ERICH1: variants seen among roughly 807,000 people sequenced by gnomAD.
ERICH1 encodes glutamate-rich protein 1.
In ERICH1, 56 loss-of-function variants were observed where a neutral mutation model predicts 39.6. The observed-to-expected ratio is 1.41, with a 90% CI of 1.14 to 1.77. ERICH1 has a LOEUF of 1.77. Ranked by LOEUF, ERICH1 falls within the 40% of genes most tolerant of loss-of-function variation. ERICH1 has a pLI of 0.00. For synonymous variants in ERICH1, 313 were observed against 223.6 expected (o/e 1.40, Z -3.57); for missense variants, 826 against 575.4 (o/e 1.44, Z -4.45).
chr8:688,869 C>T (rs1454099857), intron 3 of ERICH1, among the ~76,000 whole-genome samples: 5 of 152,206 alleles, frequency 3.3e-5, no homozygotes, highest in Non-Finnish European at 7.3e-5. Context: ...AAATATTTTT[C>T]TAGCGCTGAA....
At chr8:708,269 T>G (rs1259456562) in intron 2 of ERICH1, among the ~76,000 whole-genome samples, 4 of 152,228 alleles carry the variant, frequency 2.6e-5, no homozygotes, top group South Asian at 2.1e-4. Flanking sequence ...CATTTGACCC[T>G]GCATTTCCAC....
At chr8:627,201 A>C (rs1435118714) in intron 3 of ERICH1, 1 of 456,252 alleles carries the variant, frequency 2.2e-6, no homozygotes, top group Non-Finnish European at 4.4e-6. Flanking sequence ...TGTGACCTGT[A>C]CCATTGGCCC....
intron 3 of ERICH1, among the ~76,000 whole-genome samples, chr8:634,948 C>A (rs1335734954): frequency 6.6e-6 from 1 of 152,172 alleles, no homozygotes; most frequent in East Asian, 1.9e-4. Flanking sequence ...CCTCTTGGTG[C>A]CTCTGGGGAA....
intron 1 of ERICH1, among the ~76,000 whole-genome samples, chr8:722,412 A>C (rs1424575832): frequency 6.6e-6 from 1 of 152,230 alleles, no homozygotes; most frequent in East Asian, 1.9e-4. Flanking sequence ...ACTTCGGTAT[A>C]ATTCTCAGAA....
chr8:690,643 C>G (rs1274366206), intron 3 of ERICH1, among the ~76,000 whole-genome samples: 1 of 152,218 alleles, frequency 6.6e-6, no homozygotes, highest in Non-Finnish European at 1.5e-5. Flanking sequence ...GCGACAAGGC[C>G]CTGGGCGGCC....
At chr8:685,642 A>C (rs1807156487) in intron 3 of ERICH1, among the ~76,000 whole-genome samples, 1 of 152,182 alleles carries the variant, frequency 6.6e-6, no homozygotes, top group African/African-American at 2.4e-5. Context: ...ATGTCCATGA[A>C]ATCTTCACAA....
chr8:636,232 C>A (rs1798427863), intron 3 of ERICH1, among the ~76,000 whole-genome samples: 1 of 152,258 alleles, frequency 6.6e-6, no homozygotes, highest in South Asian at 2.1e-4. Flanking sequence ...TGGCCCTGAG[C>A]CGAGCTGGGC....
intron 3 of ERICH1, among the ~76,000 whole-genome samples, chr8:685,694 G>C (rs1355532100): frequency 1.3e-5 from 2 of 152,108 alleles, no homozygotes; most frequent in Non-Finnish European, 2.9e-5. Context: ...CCTCCGTTCG[G>C]GGTCCCTGAC....
At chr8:617,202 C>G (rs921212451) in intron 3 of ERICH1, among the ~76,000 whole-genome samples, 13 of 152,134 alleles carry the variant, frequency 8.5e-5, no homozygotes, top group African/African-American at 2.9e-4. Flanking sequence ...CCAAGAGGCA[C>G]TGACGCCTTC....
rs371926184 is a variant in ERICH1, at chr8:699,928, G to C, written c.170-7316C>G. 7.4e-3 allele frequency among the ~76,000 whole-genome samples: 501 copies of C among 67,366 alleles called. 5 individuals are homozygous for C. The highest frequency in any genetic ancestry group is 0.013 in the Middle Eastern group (1 of 76). The allele number at this position is 67,366 out of a possible 152,430, so 44.2% of individuals were successfully genotyped here. A position where few individuals can be genotyped will look rare whatever the true frequency, so the allele number is the denominator to read the frequency against. On this transcript the variant is annotated intron_variant, in intron 2 of 5. Transcript: ENST00000262109. ...CCGCACAGGCGCACAGGCCCGCACA[G>C]GCGCACAGACCCGCACACGCGCACA...
intron 3 of ERICH1, among the ~76,000 whole-genome samples, chr8:676,613 G>C (rs574662074): frequency 2.0e-5 from 3 of 152,206 alleles, no homozygotes; most frequent in Non-Finnish European, 2.9e-5. Context: ...GGGGGGAACA[G>C]AGGGTGTGTG....
intron 3 of ERICH1, among the ~76,000 whole-genome samples, chr8:621,709 A>G (rs1386380745): frequency 6.6e-6 from 1 of 152,114 alleles, no homozygotes; most frequent in Non-Finnish European, 1.5e-5. Flanking sequence ...AAGACTACGA[A>G]AGAAAGAGAG....
intron 3 of ERICH1, among the ~76,000 whole-genome samples, chr8:639,747 C>A (rs1461951408): frequency 1.6e-5 from 2 of 123,788 alleles, no homozygotes; most frequent in African/African-American, 6.4e-5. Flanking sequence ...CAACCAAGCA[C>A]CCTGGATTCA....
intron 2 of ERICH1, 122 bp downstream of exon 2, chr8:715,739 G>T: frequency 7.4e-7 from 1 of 1,347,154 alleles, no homozygotes; most frequent in Non-Finnish European, 1.0e-6. Context: ...ACCTGCTGCA[G>T]GCCCTCTGCA....
intron 3 of ERICH1, among the ~76,000 whole-genome samples, chr8:630,811 A>T (rs1797969447): frequency 6.9e-6 from 1 of 145,262 alleles, no homozygotes; most frequent in Non-Finnish European, 1.5e-5. Context: ...GTGACCACCC[A>T]CACAGACAGA....
chr8:677,511 T>G (rs1462416209), intron 3 of ERICH1, among the ~76,000 whole-genome samples: 1 of 152,162 alleles, frequency 6.6e-6, no homozygotes, highest in African/African-American at 2.4e-5. Context: ...CAGTGGGTGT[T>G]TGAATAATTT....
rs549549579 is a variant in ERICH1, at chr8:726,755, CCA to C, written c.22+4383_22+4384del. On this transcript the variant is annotated intron_variant, in intron 1 of 5. Transcript: ENST00000262109. ...AAACAGATATGCATGTACACGCACACCACACACAGACACATGTACACATACAC... is the reference window on the plus strand; with the variant it reads ...AAACAGATATGCATGTACACGCACACCACACAGACACATGTACACATACAC... 4.9e-3 allele frequency among the ~76,000 whole-genome samples: 736 copies of C among 151,454 alleles called. 7 individuals are homozygous for C. Among genetic ancestry groups the C allele is most frequent in the African/African-American group, 0.017 (692 of 41,232 alleles).
intron 3 of ERICH1, among the ~76,000 whole-genome samples, chr8:642,489 CA>C (rs1799121872): frequency 6.6e-6 from 1 of 151,958 alleles, no homozygotes; most frequent in Non-Finnish European, 1.5e-5. Context: ...GGACTACAGG[CA>C]CCAGCCACCA....
intron 4 of ERICH1, 184 bp from the exon 5 acceptor site, chr8:668,976 G>T (rs890712250): frequency 9.8e-6 from 6 of 614,904 alleles, no homozygotes; most frequent in Non-Finnish European, 1.7e-5. Context: ...ACCACTGCAT[G>T]AACGACTGTG....
Sources: allele counts gnomAD v4.1 joint callset (sites outside exome capture counted in the v4.1 genomes callset), GRCh38; gene constraint gnomAD v4.1.1; transcripts MANE v1.5; gene names NCBI Gene and HGNC (gene_info 2026-07-23, HGNC 2026-07-21).